The following ALG6 variants were observed in gnomAD, a reference collection of about 807,000 sequenced individuals.
ALG6 encodes the protein ALG6 alpha-1,3-glucosyltransferase, also known as dolichyl pyrophosphate Man9GlcNAc2 alpha-1,3-glucosyltransferase.
ALG6 carries 46 observed loss-of-function variants against 66.6 expected under a neutral mutation model. The observed-to-expected ratio is 0.69, with a 90% CI of 0.55 to 0.88. The LOEUF (loss-of-function observed/expected upper bound fraction) is 0.88, where lower values mean the gene tolerates loss of function less well. Ranked by LOEUF, ALG6 falls within the 40% of genes least tolerant of loss-of-function variation. The pLI, the probability that ALG6 is intolerant of heterozygous loss-of-function variation, is 0.00. For synonymous variants in ALG6, 185 were observed against 203.7 expected, an observed-to-expected ratio of 0.91 and a Z score of 0.78; for missense variants, 505 against 586.8, an observed-to-expected ratio of 0.86 and a Z score of 1.44.
At chr1:63,411,454 G>A (rs937794229) in intron 8 of ALG6, 123 bp downstream of exon 8, 6 of 893,234 alleles carry the variant, frequency 6.7e-6, no homozygotes, top group Admixed American at 2.7e-5. Flanking sequence ...TATTTTGGCT[G>A]TAGGGTATGT....
chr1:63,387,580 T>G (rs2100396179), intron 2 of ALG6, among the ~76,000 whole-genome samples: 1 of 141,204 alleles, frequency 7.1e-6, no homozygotes, highest in South Asian at 2.5e-4. Context: ...CTTGCTCTGT[T>G]GCCCAGGCTG....
At chr1:63,382,655 GT>G (rs1388211782) in intron 2 of ALG6, among the ~76,000 whole-genome samples, 11 of 81,228 alleles carry the variant, frequency 1.4e-4, no homozygotes, top group Admixed American at 1.2e-3. Flanking sequence ...TTTTTTGTTT[GT>G]TTTTTTTTGT....
At chr1:63,393,873 T>C (rs1196074795) in intron 2 of ALG6, among the ~76,000 whole-genome samples, 3 of 152,220 alleles carry the variant, frequency 2.0e-5, no homozygotes, top group African/African-American at 7.2e-5. Flanking sequence ...AAGAATCTAC[T>C]AGGTGCTATT....
chr1:63,387,209 GTCTA>G (rs1050383890), intron 2 of ALG6, among the ~76,000 whole-genome samples: 61 of 152,184 alleles, frequency 4.0e-4, no homozygotes, highest in African/African-American at 1.3e-3. Flanking sequence ...CTATCGTATG[GTCTA>G]TCTGTGTGCC....
intron 12 of ALG6, among the ~76,000 whole-genome samples, chr1:63,422,748 G>A (rs1038915772): frequency 6.6e-6 from 1 of 151,660 alleles, no homozygotes; most frequent in South Asian, 2.1e-4. Context: ...CTGAGGTTGG[G>A]AGTTCAAGAC....
intron 2 of ALG6, among the ~76,000 whole-genome samples, chr1:63,373,111 A>T (rs1647988529): frequency 6.6e-6 from 1 of 151,930 alleles, no homozygotes; most frequent in Non-Finnish European, 1.5e-5. Flanking sequence ...TGGTGCAGTG[A>T]TTCTGCTGCC....
At chr1:63,399,843 CA>C in intron 3 of ALG6, among the ~76,000 whole-genome samples, 1 of 151,870 alleles carries the variant, frequency 6.6e-6, no homozygotes, top group South Asian at 2.1e-4. Flanking sequence ...CATGGGAATT[CA>C]GTGGAAAAAT....
chr1:63,422,238 T>TATTTATATGA (rs1304712406), intron 12 of ALG6, among the ~76,000 whole-genome samples: 2 of 73,890 alleles, frequency 2.7e-5, no homozygotes, highest in African/African-American at 1.3e-4. Context: ...TATAAATATA[T>TATTTATATGA]ATATAAATAT....
chr1:63,421,822 A>G (rs561765593), intron 12 of ALG6, among the ~76,000 whole-genome samples: 78 of 151,314 alleles, frequency 5.2e-4, no homozygotes, highest in African/African-American at 1.8e-3. Context: ...GAGTTGAACA[A>G]TCAGAACACA....
intron 9 of ALG6, among the ~76,000 whole-genome samples, chr1:63,412,722 A>T (rs912043725): frequency 6.6e-6 from 1 of 152,174 alleles, no homozygotes; most frequent in African/African-American, 2.4e-5. Flanking sequence ...CACTCTTGTT[A>T]AACTTTTATT....
rs145930503 is a variant in ALG6 at position 63,379,587 on chromosome 1, T to C, written c.82+8528T>C. 3.7e-3 allele frequency among the ~76,000 whole-genome samples: 561 copies of C among 152,248 alleles called. 6 individuals carry two copies. The highest frequency in any genetic ancestry group is 5.9e-3 in the Non-Finnish European group (399 of 68,026). ...CCAGGCTATTGACCACCAGAGATCA[T>C]TGGATACCCTCAAGGCAAATGCTTA... On this transcript the variant is annotated intron_variant, in intron 2 of 14. Transcript: ENST00000263440.
chr1:63,408,888 T>A (rs1231524560), intron 7 of ALG6, among the ~76,000 whole-genome samples: 1 of 152,202 alleles, frequency 6.6e-6, no homozygotes, highest in Non-Finnish European at 1.5e-5. Flanking sequence ...CAAACGATAC[T>A]CCTGCCTCAG....
chr1:63,419,485 A>G lies in ALG6; in HGVS notation c.1058+45A>G, dbSNP rs1444171258. The G allele has an allele frequency of 8.9e-6, 12 of 1,340,968 alleles. No homozygotes were observed. The Admixed American group carries it at 1.3e-4, about 14-fold the overall frequency. The allele number at this position is 1,340,968 out of a possible 1,614,324, so 83.1% of individuals were successfully genotyped here. On this transcript the variant is annotated intron_variant, in intron 12 of 14. Coordinates refer to ENST00000263440, the MANE Select transcript of ALG6 (RefSeq NM_013339.4). Reference sequence around the variant, plus strand: ...ATATGTGTTTATTTGTTTATAATATAACTTTATAATTTACATACAAATATA... The same window carrying G: ...ATATGTGTTTATTTGTTTATAATATGACTTTATAATTTACATACAAATATA...
intron 2 of ALG6, among the ~76,000 whole-genome samples, chr1:63,382,244 C>T (rs1034341343): frequency 1.5e-4 from 23 of 151,572 alleles, no homozygotes; most frequent in African/African-American, 5.6e-4. Flanking sequence ...CTGTGTCGCC[C>T]AGAGTGGAGT....
At chr1:63,421,917 T>C (rs1237954877) in intron 12 of ALG6, among the ~76,000 whole-genome samples, 1 of 150,524 alleles carries the variant, frequency 6.6e-6, no homozygotes, top group Non-Finnish European at 1.5e-5. Flanking sequence ...ATACGTAATG[T>C]AGATGACAGG....
At chr1:63,423,234 G>C (rs974370740) in intron 12 of ALG6, among the ~76,000 whole-genome samples, 1 of 152,108 alleles carries the variant, frequency 6.6e-6, no homozygotes, top group African/African-American at 2.4e-5. Context: ...ATGTTGGCCA[G>C]GCTGGTCTCG....
intron 12 of ALG6, among the ~76,000 whole-genome samples, chr1:63,426,657 C>T (rs987470093): frequency 6.6e-6 from 1 of 152,120 alleles, no homozygotes; most frequent in Non-Finnish European, 1.5e-5. Flanking sequence ...GAGCCTCCCA[C>T]TTCAGCCTCC....
At chr1:63,376,940 G>A (rs942322378) in intron 2 of ALG6, among the ~76,000 whole-genome samples, 1 of 151,598 alleles carries the variant, frequency 6.6e-6, no homozygotes, top group Non-Finnish European at 1.5e-5. Flanking sequence ...TATATATTTT[G>A]TATCTATATT....
intron 12 of ALG6, among the ~76,000 whole-genome samples, chr1:63,427,955 CA>C (rs930523015): frequency 6.6e-6 from 1 of 151,840 alleles, no homozygotes; most frequent in Admixed American, 6.6e-5. Context: ...TACAGGCACG[CA>C]CCACCAAGCC....
Sources: allele counts gnomAD v4.1 joint callset (sites outside exome capture counted in the v4.1 genomes callset), GRCh38; gene constraint gnomAD v4.1.1; transcripts MANE v1.5; gene names NCBI Gene and HGNC (gene_info 2026-07-23, HGNC 2026-07-21).